Variants in INSR observed in about 807,000 individuals in gnomAD.
INSR encodes the protein insulin receptor, also known as IR.
INSR carries 67 observed loss-of-function variants against 142.6 expected under a neutral mutation model. The ratio of observed to expected loss-of-function variants is 0.47; its 90% CI spans 0.39 to 0.58. The LOEUF (loss-of-function observed/expected upper bound fraction) is 0.58, where lower values mean the gene tolerates loss of function less well. Among genes scored for constraint, INSR ranks in the 20% least tolerant of loss-of-function variants. The pLI, the probability that INSR is intolerant of heterozygous loss-of-function variation, is 0.00. For synonymous variants in INSR, 756 were observed against 743.1 expected, an observed-to-expected ratio of 1.02 and a Z score of -0.28; for missense variants, 1,248 against 1,833.2, an observed-to-expected ratio of 0.68 and a Z score of 5.83.
chr19:7,290,780 A>G (rs1054210876), intron 1 of INSR, among the ~76,000 whole-genome samples: 4 of 133,672 alleles, frequency 3.0e-5, no homozygotes, highest in African/African-American at 1.5e-4. Flanking sequence ...AAAAAAAAGA[A>G]AAAAAAAAAG....
chr19:7,239,089 C>T (rs1714333693), intron 2 of INSR, among the ~76,000 whole-genome samples: 1 of 151,254 alleles, frequency 6.6e-6, no homozygotes, highest in South Asian at 2.1e-4. Context: ...ATCAGCATCT[C>T]AAAGAGATTT....
rs1196078347 is a variant in INSR, at chr19:7,190,611, C to A, written c.653-5974G>T. 2.0e-5 allele frequency among the ~76,000 whole-genome samples: 3 copies of A among 152,080 alleles called. No homozygotes were observed. The East Asian group carries it at 5.8e-4, about 29-fold the overall frequency. On this transcript the variant is annotated intron_variant, in intron 2 of 21. Transcript: ENST00000302850. ...GGTCTTGAACTCCTGACCTCGGGAT[C>A]CACCCATCTTGGCCTCCCAAAGTGC...
chr19:7,280,724 AAAAAC>A (rs1185818439), intron 1 of INSR, among the ~76,000 whole-genome samples: 1 of 151,680 alleles, frequency 6.6e-6, no homozygotes, highest in African/African-American at 2.4e-5. Context: ...TCTCAAAAAA[AAAAAC>A]AAAAAACCCA....
chr19:7,274,478 G>A (rs567627575), intron 1 of INSR, among the ~76,000 whole-genome samples: 5 of 151,244 alleles, frequency 3.3e-5, no homozygotes, highest in African/African-American at 9.7e-5. Flanking sequence ...AGCCCATCTC[G>A]AAACGGAGGC....
chr19:7,131,954 T>TG lies in INSR; in HGVS notation c.2842+203dup, dbSNP rs372374637. Among the ~76,000 whole-genome samples the TG allele has an allele frequency of 3.1e-3, 461 of 150,678 alleles. 1 individual carries two copies. The highest frequency in any genetic ancestry group is 5.3e-3 in the Non-Finnish European group (362 of 67,738). ...CGGAGGCTACAGTGAGCTGAGATTG[T>TG]GCCAGTGCACTCCAAAGCAAGCCTC... On this transcript the variant is annotated intron_variant, in intron 14 of 21. Transcript: ENST00000302850.
intron 9 of INSR, among the ~76,000 whole-genome samples, chr19:7,155,769 C>A (rs570458728): frequency 4.7e-4 from 71 of 151,684 alleles, no homozygotes; most frequent in South Asian, 8.3e-4. Flanking sequence ...CAAAAATTAG[C>A]CAGGCATGGT....
chr19:7,211,610 T>C (rs548650076), intron 2 of INSR, among the ~76,000 whole-genome samples: 1 of 152,260 alleles, frequency 6.6e-6, no homozygotes, highest in South Asian at 2.1e-4. Context: ...GCACCATCAA[T>C]GACCCCTCAG....
At chr19:7,251,237 C>G (rs1461216080) in intron 2 of INSR, among the ~76,000 whole-genome samples, 1 of 151,962 alleles carries the variant, frequency 6.6e-6, no homozygotes, top group Non-Finnish European at 1.5e-5. Flanking sequence ...GCTAGAGACC[C>G]AAACAAACAC....
At chr19:7,238,345 C>T (rs1347425975) in intron 2 of INSR, among the ~76,000 whole-genome samples, 1 of 152,110 alleles carries the variant, frequency 6.6e-6, no homozygotes, top group Non-Finnish European at 1.5e-5. Context: ...AGAGGCCAGG[C>T]TCAGTGGCTC....
At position 7,219,976 on chromosome 19, in the gene INSR, G is replaced by T. The variant is rs560014038; in HGVS notation, c.653-35339C>A. ...AACTGAATCTTATGGAACCTTCTGG[G>T]GTCACATGCCCACCCCTGAACCAAT... On this transcript the variant is annotated intron_variant, in intron 2 of 21. Coordinates refer to ENST00000302850, the MANE Select transcript of INSR (RefSeq NM_000208.4). Among the ~76,000 whole-genome samples the T allele has an allele frequency of 4.3e-4, 65 of 152,220 alleles. No homozygotes were observed. The Middle Eastern group carries it at 0.01, about 24-fold the overall frequency.
At chr19:7,156,313 G>A (rs971701244) in intron 9 of INSR, among the ~76,000 whole-genome samples, 3 of 151,798 alleles carry the variant, frequency 2.0e-5, no homozygotes, top group African/African-American at 4.8e-5. Flanking sequence ...TGCCCACCTC[G>A]GCCTCCCAAA....
rs1312612587 is a variant in INSR at position 7,119,469 on chromosome 19, G to A, written c.3774C>T (p.Pro1258=). The stretch of plus-strand genomic sequence containing the variant: ...CTTACACTCTCTCTGGACAGTTGTC[G>A]GGTTGATCCAGATACCCTCCATCCA... The part of the protein sequence containing the change: ...FVMDGGYLDQ[P]DNCPERVTDL... The change falls in exon 21 of 22, where the codon CCC becomes CCT. Residue 1258 remains proline, a synonymous_variant. Transcript: ENST00000302850. The surrounding 1 kb of genome is among the most constrained non-coding windows in gnomAD (Gnocchi z 5.2). The A allele has an allele frequency of 9.3e-6, 15 of 1,613,986 alleles. No homozygotes were observed. The highest frequency in any genetic ancestry group is 3.3e-5 in the Admixed American group (2 of 59,992).
chr19:7,184,060 C>CAAAAAAAAAAAAAAAAAAAAAA lies in INSR; in HGVS notation c.974+255_974+256insTTTTTTTTTTTTTTTTTTTTTT, dbSNP rs533682498. Among the ~76,000 whole-genome samples the CAAAAAAAAAAAAAAAAAAAAAA allele has an allele frequency of 4.8e-4, 41 of 85,000 alleles. 1 individual carries two copies. Among genetic ancestry groups the CAAAAAAAAAAAAAAAAAAAAAA allele is most frequent in the East Asian group, 6.2e-4 (2 of 3,232 alleles). The allele number at this position is 85,000 out of a possible 152,430, so 55.8% of individuals were successfully genotyped here. A position where few individuals can be genotyped will look rare whatever the true frequency, so the allele number is the denominator to read the frequency against. On this transcript the variant is annotated intron_variant, in intron 3 of 21. Coordinates refer to ENST00000302850, the MANE Select transcript of INSR (RefSeq NM_000208.4). ...GGAGTCTTGCGGCAAGACTCCATCT[C>CAAAAAAAAAAAAAAAAAAAAAA]AAAAAAAAAAAAAAAGAATGGTGGG...
rs765580196 is a variant in INSR at position 7,267,334 on chromosome 19, C to T, written c.652+11G>A. 1.2e-5 allele frequency: 20 copies of T among 1,613,598 alleles called. No individual in the cohort carries two copies. The highest frequency in any genetic ancestry group is 8.3e-5 in the Admixed American group (5 of 59,974). ...CGAGACACTGCTTAGAACCCTGTAT[C>T]CCCGGCGTACCTTTCTGGCAGTGAC... On this transcript the variant is annotated intron_variant, in intron 2 of 21. Transcript: ENST00000302850. This position sits in a 1 kb window ranked among gnomAD's most constrained non-coding sequence, Gnocchi z 6.3.
intron 13 of INSR, 53 bp downstream of exon 13, chr19:7,141,624 T>C: frequency 6.2e-7 from 1 of 1,611,350 alleles, no homozygotes; most frequent in Non-Finnish European, 8.5e-7. Context: ...AGTGCAACTC[T>C]GAAGGGGCAT....
intron 12 of INSR, 72 bp downstream of exon 12, chr19:7,142,744 G>A (rs1372476364): frequency 6.5e-7 from 1 of 1,544,850 alleles, no homozygotes; most frequent in Non-Finnish European, 8.9e-7. Flanking sequence ...CTGCTTAGAG[G>A]GTGGAGAATC....
intron 15 of INSR, among the ~76,000 whole-genome samples, chr19:7,128,609 T>C (rs1197264487): frequency 2.0e-5 from 3 of 151,630 alleles, no homozygotes; most frequent in African/African-American, 7.3e-5. Flanking sequence ...TAGCTTCGGA[T>C]ATAAAGGTTT....
At chr19:7,122,512 T>G in intron 19 of INSR, 102 bp downstream of exon 19, 1 of 1,265,006 alleles carries the variant, frequency 7.9e-7, no homozygotes, top group Non-Finnish European at 1.2e-6. Context: ...CTTGCCCCTT[T>G]ATATTATCAG....
At chr19:7,257,290 G>A (rs996137770) in intron 2 of INSR, among the ~76,000 whole-genome samples, 9 of 151,892 alleles carry the variant, frequency 5.9e-5, no homozygotes, top group African/African-American at 1.7e-4. Flanking sequence ...GTGTGCAGGC[G>A]TTACACTTTC....
Sources: gnomAD v4.1 joint callset for allele counts (sites outside exome capture counted in the v4.1 genomes callset) on GRCh38, gnomAD v4.1.1 for gene constraint, Gnocchi (gnomAD v3.1) non-coding constraint, MANE v1.5 for transcripts, NCBI Gene and HGNC (gene_info 2026-07-23, HGNC 2026-07-21) for gene names.